LTA: variants seen among roughly 807,000 people sequenced by gnomAD.
The protein encoded by LTA is lymphotoxin alpha.
LTA carries 6 observed loss-of-function variants against 15.1 expected under a neutral mutation model. That is an observed-to-expected ratio of 0.40 (90% CI 0.22 to 0.78). The LOEUF (loss-of-function observed/expected upper bound fraction) is 0.78. Among genes scored for constraint, LTA ranks in the 30% least tolerant of loss-of-function variants. The pLI is 0.38. For missense variants in LTA, 173 were observed against 249.5 expected, an observed-to-expected ratio of 0.69 and a Z score of 2.06; for synonymous variants, 87 against 107.3, an observed-to-expected ratio of 0.81 and a Z score of 1.17.
In LTA at chr6:31,574,159, T is replaced by G. The variant is rs1771023085; in HGVS notation, c.*466T>G. ...AGAGACAGGCCCAAGAGATGAAGAGTGAGAGGGCATGCGCACAAGGCTGAC... is the reference window on the plus strand; with the variant it reads ...AGAGACAGGCCCAAGAGATGAAGAGGGAGAGGGCATGCGCACAAGGCTGAC... On this transcript the variant is annotated 3_prime_UTR_variant, in exon 4 of 4. Coordinates refer to ENST00000418386, the MANE Select transcript of LTA (RefSeq NM_000595.4). The G allele has an allele frequency of 9.8e-6, 3 of 307,304 alleles. No homozygotes were observed. Among genetic ancestry groups the G allele is most frequent in the African/African-American group, 4.6e-5 (2 of 43,232 alleles). The allele number at this position is 307,304 out of a possible 1,614,324, so 19.0% of individuals were successfully genotyped here. A position where few individuals can be genotyped will look rare whatever the true frequency, so the allele number is the denominator to read the frequency against.
rs56285847 is a variant in LTA at position 31,573,044 on chromosome 6, A to G, written c.205+11A>G. On this transcript the variant is annotated intron_variant, in intron 3 of 3. Coordinates refer to ENST00000418386, the MANE Select transcript of LTA (RefSeq NM_000595.4). ...CTGCTCACCTCATTGGTAAACATCC[A>G]CCTGACCTCCCAGACATGTCCCCAC... The G allele has an allele frequency of 2.4e-3, 3,851 of 1,602,684 alleles. 18 individuals are homozygous for G. Among genetic ancestry groups the G allele is most frequent in the Admixed American group, 5.4e-3 (324 of 59,810 alleles).
the LTA span, among the ~76,000 whole-genome samples, chr6:31,563,114 C>T: frequency 1.3e-5 from 2 of 152,184 alleles, no homozygotes; most frequent in Non-Finnish European, 2.9e-5. Flanking sequence ...GAGCCGAGAT[C>T]GCGCCACTGC....
At chr6:31,564,106 A>G in the LTA span, among the ~76,000 whole-genome samples, 13 of 152,146 alleles carry the variant, frequency 8.5e-5, no homozygotes, top group Non-Finnish European at 1.5e-4. Context: ...AGAGATCAAG[A>G]TCTTGAAGGC....
chr6:31,572,421 C>T lies in LTA; in HGVS notation c.-35C>T. On this transcript the variant is annotated 5_prime_UTR_variant, in exon 1 of 4. Transcript: ENST00000418386. ...CCCTCCTGCACCTGCTGCCTGGATC[C>T]CCGGCCTGCCTGGGCCTGGGCCTTG... The T allele has an allele frequency of 2.0e-6, 1 of 499,242 alleles. No individual in the cohort carries two copies. Among genetic ancestry groups the T allele is most frequent in the Non-Finnish European group, 3.6e-6 (1 of 279,092 alleles). The allele number at this position is 499,242 out of a possible 1,614,324, so 30.9% of individuals were successfully genotyped here. A position where few individuals can be genotyped will look rare whatever the true frequency, so the allele number is the denominator to read the frequency against.
At chr6:31,568,402 A>G (rs1264841929), upstream of LTA, among the ~76,000 whole-genome samples, 2 of 152,118 alleles carry the variant, frequency 1.3e-5, no homozygotes, top group Non-Finnish European at 2.9e-5. The surrounding 1 kb of genome is among the most constrained non-coding windows in gnomAD (Gnocchi z 4.1). Flanking sequence ...GGGGTAGAGG[A>G]GAAGTTTTAT....
At chr6:31,566,117 G>T in the LTA span, among the ~76,000 whole-genome samples, 1 of 151,720 alleles carries the variant, frequency 6.6e-6, no homozygotes, top group African/African-American at 2.4e-5. Context: ...GGTGGAAGTT[G>T]CAGTGAGCCA....
At chr6:31,566,570 G>A in the LTA span, among the ~76,000 whole-genome samples, 1 of 150,414 alleles carries the variant, frequency 6.6e-6, no homozygotes, top group Admixed American at 6.6e-5. Context: ...AACCTGGGAG[G>A]CAGAGGTTGC....
intron 1 of LTA, 34 bp from the exon 2 acceptor site, chr6:31,572,700 C>A: frequency 6.6e-7 from 1 of 1,508,404 alleles, no homozygotes; most frequent in Non-Finnish European, 9.1e-7. Context: ...CCGCCCCGCT[C>A]ACTGTCTCTC....
the LTA span, among the ~76,000 whole-genome samples, chr6:31,565,701 T>C: frequency 1.3e-5 from 2 of 152,202 alleles, no homozygotes; most frequent in Admixed American, 6.5e-5. Flanking sequence ...TCCCAGTATC[T>C]ACATCTCCCA....
chr6:31,566,642 GAA>G, the LTA span, among the ~76,000 whole-genome samples: 23,041 of 122,908 alleles, frequency 0.19, 2,130 homozygotes, highest in Non-Finnish European at 0.23. Context: ...TGTCTTAAAA[GAA>G]AAAAAAAAAA....
chr6:31,567,666 ACACACACACACGCACGCATG>A (rs769878930), upstream of LTA, among the ~76,000 whole-genome samples: 1,384 of 81,672 alleles, frequency 0.017, 14 homozygotes, highest in Admixed American at 0.022. Context: ...ACACACACAC[ACACACACACACGCACGCATG>A]CACGCACCAC....
chr6:31,573,152 GA>G, intron 3 of LTA, 119 bp downstream of exon 3: 1 of 1,200,776 alleles, frequency 8.3e-7, no homozygotes, highest in Non-Finnish European at 1.2e-6. Context: ...AAAACAGAGG[GA>G]GCCCACTCCT....
upstream of LTA, among the ~76,000 whole-genome samples, chr6:31,567,085 C>G (rs1374758976): frequency 2.0e-5 from 3 of 152,036 alleles, no homozygotes; most frequent in Non-Finnish European, 4.4e-5. Context: ...CACCTGAGGT[C>G]AGGAGTTTGA....
upstream of LTA, among the ~76,000 whole-genome samples, chr6:31,571,607 GGAGT>G (rs1770830456): frequency 6.6e-6 from 1 of 152,058 alleles, no homozygotes; most frequent in South Asian, 2.1e-4. Flanking sequence ...GCATCCTTCA[GGAGT>G]GAGATGAGAC....
upstream of LTA, among the ~76,000 whole-genome samples, chr6:31,570,942 A>G (rs1490162761): frequency 6.6e-6 from 1 of 152,142 alleles, no homozygotes; most frequent in Admixed American, 6.6e-5. Context: ...GGGACCTGAA[A>G]ATACGTGGAG....
In LTA at chr6:31,573,030, A is replaced by G; in HGVS notation, c.202A>G (p.Ile68Val). The change falls in exon 3 of 4, where the codon ATT becomes GTT. Residue 68 changes from isoleucine (I) to valine (V), a missense_variant. Ile to Val is a conservative substitution (Grantham distance 29). Coordinates refer to ENST00000418386, the MANE Select transcript of LTA (RefSeq NM_000595.4). ...CACCCTCAAACCTGCTGCTCACCTCATTGGTAAACATCCACCTGACCTCCC... is the reference window on the plus strand; with the variant it reads ...CACCCTCAAACCTGCTGCTCACCTCGTTGGTAAACATCCACCTGACCTCCC... ...HSTLKPAAHL[I>V]GDPSKQNSLL... 6.2e-7 allele frequency: 1 copy of G among 1,610,208 alleles called. No individual in the cohort carries two copies. Among genetic ancestry groups the G allele is most frequent in the African/African-American group, 1.3e-5 (1 of 74,618 alleles).
chr6:31,573,383 C>G lies in LTA; in HGVS notation c.308C>G (p.Thr103Ser). 6.2e-7 allele frequency: 1 copy of G among 1,614,168 alleles called. No individual in the cohort carries two copies. Among genetic ancestry groups the G allele is most frequent in the Non-Finnish European group, 8.5e-7 (1 of 1,180,028 alleles). The change falls in exon 4 of 4, where the codon ACC becomes AGC. Residue 103 changes from threonine (T) to serine (S), a missense_variant. By Grantham distance (58) the Thr-to-Ser change is moderately conservative. Transcript: ENST00000418386. ...SLSNNSLLVP[T>S]SGIYFVYSQV... Reference sequence around the variant, plus strand: ...AGCAACAATTCTCTCCTGGTCCCCACCAGTGGCATCTACTTCGTCTACTCC... The same window carrying G: ...AGCAACAATTCTCTCCTGGTCCCCAGCAGTGGCATCTACTTCGTCTACTCC...
the LTA span, among the ~76,000 whole-genome samples, chr6:31,563,284 C>T: frequency 6.6e-5 from 10 of 152,100 alleles, no homozygotes; most frequent in South Asian, 2.1e-3. Context: ...AGAAAAAGTA[C>T]TGTGAGTCAG....
chr6:31,573,973 G>T lies in LTA; in HGVS notation c.*280G>T, dbSNP rs780637334. ...GCTGTTGGTCTGTCCCACCAGCTAG[G>T]TGGGGCCTAGATCCACACACAGAGG... is the stretch of plus-strand genomic sequence containing the variant. On this transcript the variant is annotated 3_prime_UTR_variant, in exon 4 of 4. Transcript: ENST00000418386. 1.6e-6 allele frequency: 1 copy of T among 618,226 alleles called. No homozygotes were observed. The highest frequency in any genetic ancestry group is 2.9e-6 in the Non-Finnish European group (1 of 339,294). The allele number at this position is 618,226 out of a possible 1,614,324, so 38.3% of individuals were successfully genotyped here. A position where few individuals can be genotyped will look rare whatever the true frequency, so the allele number is the denominator to read the frequency against.
Sources: gnomAD v4.1 joint callset for allele counts (sites outside exome capture counted in the v4.1 genomes callset) on GRCh38, gnomAD v4.1.1 for gene constraint, Gnocchi (gnomAD v3.1) non-coding constraint, MANE v1.5 for transcripts, NCBI Gene and HGNC (gene_info 2026-07-23, HGNC 2026-07-21) for gene names.